HERC2: variants seen among roughly 807,000 people sequenced by gnomAD.
HERC2 encodes the protein E3 ubiquitin-protein ligase HERC2.
Under a neutral mutation model 537.7 loss-of-function variants are expected in HERC2, and 102 were observed. That is an observed-to-expected ratio of 0.19 (90% confidence interval 0.16 to 0.22). The LOEUF (loss-of-function observed/expected upper bound fraction) is 0.22, where lower values mean the gene tolerates loss of function less well. Ranked by LOEUF, HERC2 falls within the 10% of genes least tolerant of loss-of-function variation. HERC2 has a pLI of 1.00. For missense variants in HERC2, 4,236 were observed against 6,198.2 expected (o/e 0.68, Z 10.63); for synonymous variants, 2,224 against 2,466.2 (o/e 0.90, Z 2.91).
rs139495382 is a variant in HERC2, at chr15:28,129,608, G to A, written c.12802+555C>T. ...CCAGCAGAGGGCCAAGCCTGCAGCA[G>A]GTCTGTCTAAGGACACGTCTCAGGC... is the stretch of plus-strand genomic sequence containing the variant. On this transcript the variant is annotated intron_variant, in intron 83 of 92. Transcript: ENST00000261609. Among the ~76,000 whole-genome samples the A allele has an allele frequency of 3.5e-3, 538 of 152,342 alleles. 2 individuals are homozygous for A. The highest frequency in any genetic ancestry group is 0.012 in the African/African-American group (510 of 41,580).
At position 28,176,921 on chromosome 15, in the gene HERC2, C is replaced by G. The variant is rs1895345434; in HGVS notation, c.9432+29G>C. On this transcript the variant is annotated intron_variant, in intron 61 of 92. Coordinates refer to ENST00000261609, the MANE Select transcript of HERC2 (RefSeq NM_004667.6). The surrounding 1 kb of genome is among the most constrained non-coding windows in gnomAD (Gnocchi z 5.0). ...TTGACATCTTCAGATGGTAAGCTTT[C>G]TGCAAGCAACAAAAATGCGTATAAT... The G allele has an allele frequency of 6.2e-7, 1 of 1,600,028 alleles. No homozygotes were observed. The highest frequency in any genetic ancestry group is 8.5e-7 in the Non-Finnish European group (1 of 1,169,912).
At chr15:28,218,201 T>A (rs1900135819) in intron 38 of HERC2, among the ~76,000 whole-genome samples, 1 of 151,442 alleles carries the variant, frequency 6.6e-6, no homozygotes, top group Admixed American at 6.6e-5. Flanking sequence ...GGGTGACACC[T>A]CTACAAGCCG....
Position 28,179,026 on chromosome 15 carries a change from A to G in HERC2, c.9024T>C (p.Thr3008=), listed in dbSNP as rs1895565881. The G allele has an allele frequency of 1.2e-6, 2 of 1,613,476 alleles. No homozygotes were observed. The highest frequency in any genetic ancestry group is 1.7e-6 in the Non-Finnish European group (2 of 1,179,666). Residue 3008 remains threonine (T), a synonymous_variant, in exon 59 of 93, where the codon ACT becomes ACC. Coordinates refer to ENST00000261609, the MANE Select transcript of HERC2 (RefSeq NM_004667.6). ...AGGSKSLFAV[T]VEGKVYACGE... ...CACAGGCATACACCTTCCCTTCCACAGTCACTGCAAGGAACGACAGCCAGG... is the reference window on the plus strand; with the variant it reads ...CACAGGCATACACCTTCCCTTCCACGGTCACTGCAAGGAACGACAGCCAGG...
At position 28,176,983 on chromosome 15, in the gene HERC2, A is replaced by G. The variant is rs377396895; in HGVS notation, c.9399T>C (p.His3133=). Residue 3133 remains histidine (H), a synonymous_variant, in exon 61 of 93, where the codon CAT becomes CAC. Transcript: ENST00000261609. The surrounding 1 kb of genome is among the most constrained non-coding windows in gnomAD (Gnocchi z 5.0). ...WGLGEYGRLG[H]GDNTTQLKPK... Reference sequence around the variant, plus strand: ...GCTTTAGCTGTGTCGTATTATCCCCATGTCCCAGCCGGCCGTACTCGCCGA... The same window carrying G: ...GCTTTAGCTGTGTCGTATTATCCCCGTGTCCCAGCCGGCCGTACTCGCCGA... 1.9e-6 allele frequency: 3 copies of G among 1,613,868 alleles called. No individual in the cohort carries two copies. Among genetic ancestry groups the G allele is most frequent in the Non-Finnish European group, 1.7e-6 (2 of 1,179,860 alleles).
At chr15:28,279,967 G>A (rs562942009) in intron 5 of HERC2, 101 bp downstream of exon 5, 9 of 849,174 alleles carry the variant, frequency 1.1e-5, no homozygotes, top group South Asian at 1.8e-5. Flanking sequence ...ATTTCAGAAG[G>A]TGAAGACAGC....
intron 16 of HERC2, 63 bp downstream of exon 16, chr15:28,260,714 T>C (rs1478186116): frequency 2.2e-6 from 3 of 1,353,194 alleles, no homozygotes; most frequent in Non-Finnish European, 3.1e-6. Flanking sequence ...TTCTACATAC[T>C]GGTAATGAAC....
At chr15:28,218,714 A>T (rs1428127449) in intron 37 of HERC2, 43 bp from the exon 38 acceptor site, 1 of 1,473,570 alleles carries the variant, frequency 6.8e-7, no homozygotes, top group Non-Finnish European at 9.4e-7. Flanking sequence ...TCCCAAGTAA[A>T]ACTGGAAGAT....
intron 4 of HERC2, among the ~76,000 whole-genome samples, chr15:28,287,732 T>TG (rs1344540634): frequency 1.5e-4 from 22 of 143,402 alleles, no homozygotes; most frequent in African/African-American, 5.8e-4. Context: ...TTTTTTTTTT[T>TG]TTTTTTGGTT....
Position 28,236,930 on chromosome 15 carries a change from C to T in HERC2, c.4003+33G>A, listed in dbSNP as rs757770688. 8.7e-6 allele frequency: 14 copies of T among 1,605,072 alleles called. No individual in the cohort carries two copies. In the Admixed American group the frequency reaches 2.3e-4, roughly 27 times the overall value. The stretch of plus-strand genomic sequence containing the variant: ...GCACTTACAGTTCAAAAAAAATAAT[C>T]TGCTGATCAGCAAAAAGCAAAGATT... On this transcript the variant is annotated intron_variant, in intron 26 of 92. Coordinates refer to ENST00000261609, the MANE Select transcript of HERC2 (RefSeq NM_004667.6).
At chr15:28,159,735 CAA>C (rs1893381606) in intron 69 of HERC2, among the ~76,000 whole-genome samples, 2 of 152,224 alleles carry the variant, frequency 1.3e-5, no homozygotes, top group Admixed American at 1.3e-4. Context: ...CTCAGCTCAT[CAA>C]AGTCATTCTC....
intron 70 of HERC2, among the ~76,000 whole-genome samples, chr15:28,150,079 C>CTG (rs1892266006): frequency 6.6e-6 from 1 of 151,686 alleles, no homozygotes; most frequent in South Asian, 2.1e-4. Flanking sequence ...GCCACACAAA[C>CTG]GCACATTCTA....
At chr15:28,311,157 G>C (rs2076934682) in intron 2 of HERC2, among the ~76,000 whole-genome samples, 1 of 147,256 alleles carries the variant, frequency 6.8e-6, no homozygotes, top group African/African-American at 2.5e-5. Flanking sequence ...TCAAGACAGG[G>C]AAGTACAGTC....
At chr15:28,223,895 T>C (rs936978643) in intron 35 of HERC2, among the ~76,000 whole-genome samples, 6 of 152,020 alleles carry the variant, frequency 3.9e-5, no homozygotes, top group Non-Finnish European at 7.4e-5. Context: ...CAAGTCCCCA[T>C]ACTTAATGAT....
At chr15:28,221,893 C>T (rs1358128648) in intron 36 of HERC2, 135 bp downstream of exon 36, 7 of 815,544 alleles carry the variant, frequency 8.6e-6, no homozygotes, top group Middle Eastern at 6.8e-4. Context: ...TTCGGCTGCT[C>T]GGGAACCAAC....
chr15:28,143,188 T>A (rs1329378347), intron 74 of HERC2, among the ~76,000 whole-genome samples: 2 of 152,106 alleles, frequency 1.3e-5, no homozygotes, highest in Non-Finnish European at 2.9e-5. Flanking sequence ...TTTCAGTACA[T>A]CCGCTTCCAG....
chr15:28,179,111 TA>T, intron 58 of HERC2, 30 bp downstream of exon 58: 1 of 1,600,660 alleles, frequency 6.2e-7, no homozygotes, highest in East Asian at 2.2e-5. Flanking sequence ...AAGCATAATT[TA>T]AAAATTTTTT....
At chr15:28,226,095 A>AT (rs1192669933) in intron 35 of HERC2, among the ~76,000 whole-genome samples, 4 of 152,262 alleles carry the variant, frequency 2.6e-5, no homozygotes, top group Non-Finnish European at 5.9e-5. Flanking sequence ...TATTACCCTG[A>AT]TAACTGTAAA....
intron 12 of HERC2, among the ~76,000 whole-genome samples, chr15:28,267,254 T>C (rs2075594429): frequency 6.6e-6 from 1 of 152,190 alleles, no homozygotes; most frequent in Non-Finnish European, 1.5e-5. Context: ...CTATCCCTTA[T>C]TCAGCTTAAG....
At chr15:28,279,648 C>CAT (rs1338970482) in intron 5 of HERC2, among the ~76,000 whole-genome samples, 3 of 151,196 alleles carry the variant, frequency 2.0e-5, no homozygotes, top group African/African-American at 7.3e-5. Flanking sequence ...CACACACACA[C>CAT]ACAAATTGTT....
Sources: allele counts gnomAD v4.1 joint callset (sites outside exome capture counted in the v4.1 genomes callset), GRCh38; gene constraint gnomAD v4.1.1; non-coding constraint Gnocchi (gnomAD v3.1); transcripts MANE v1.5; gene names NCBI Gene and HGNC (gene_info 2026-07-23, HGNC 2026-07-21).